The following CYBA variants were observed in gnomAD, a reference collection of about 807,000 sequenced individuals.
CYBA encodes the protein cytochrome b-245 light chain.
CYBA carries 21 observed loss-of-function variants against 20.8 expected under a neutral mutation model. That is an observed-to-expected ratio of 1.01 (90% confidence interval 0.72 to 1.46). CYBA has a LOEUF of 1.46. CYBA is among the 40% of genes most tolerant of loss of function. The pLI is 0.00. For synonymous variants in CYBA, 164 were observed against 127.5 expected, an observed-to-expected ratio of 1.29 and a Z score of -1.93; for missense variants, 344 against 287.0, an observed-to-expected ratio of 1.20 and a Z score of -1.43.
chr16:88,643,516 G>C lies in CYBA; in HGVS notation c.425C>G (p.Pro142Arg), dbSNP rs909600062. ...TPIEPKPRER[P>R]QIGGTIKQPP... ...CTGCTTGATGGTGCCTCCGATCTGC[G>C]GCCGCTCCCGGGGCTTGGGCTCGAT... is the stretch of plus-strand genomic sequence containing the variant. The change falls in exon 6 of 6, where the codon CCG becomes CGG. Residue 142 changes from proline (P) to arginine (R), a missense_variant. Coordinates refer to ENST00000261623, the MANE Select transcript of CYBA (RefSeq NM_000101.4). The surrounding 1 kb of genome is among the most constrained non-coding windows in gnomAD (Gnocchi z 4.3). The C allele has an allele frequency of 1.0e-5, 16 of 1,534,634 alleles. No individual in the cohort carries two copies. The highest frequency in any genetic ancestry group is 1.2e-5 in the South Asian group (1 of 83,946).
At chr16:88,650,370 C>A (rs1907466311) in intron 1 of CYBA, 1 of 456,692 alleles carries the variant, frequency 2.2e-6, no homozygotes, top group South Asian at 1.5e-5. Context: ...GGGGGCTGTG[C>A]CATCCCACCC....
At chr16:88,645,270 A>G (rs986158837) in intron 5 of CYBA, 2 of 702,438 alleles carry the variant, frequency 2.8e-6, no homozygotes, top group African/African-American at 1.7e-5. Context: ...GTTCTAAAGG[A>G]GAGTTCTGCC....
chr16:88,647,104 C>T lies in CYBA; in HGVS notation c.200G>A (p.Arg67His). Residue 67 changes from arginine (R) to histidine (H), a missense_variant, in exon 3 of 6, where the codon CGC becomes CAC. Physicochemically the swap from Arg to His is conservative, Grantham distance 29. Transcript: ENST00000261623. ...CCCAGAGCAGGAGGAGACTCACCAG[C>T]GCTCCATGGTGGAGCCCTTCTTCCT... is the stretch of plus-strand genomic sequence containing the variant. ...GKRKKGSTME[R>H]WGQKYMTAVV... is the part of the protein sequence containing the mutation. 6 of 1,609,676 alleles carry T rather than the reference C, an allele frequency of 3.7e-6. No individual in the cohort carries two copies. Among genetic ancestry groups the T allele is most frequent in the Non-Finnish European group, 5.1e-6 (6 of 1,178,668 alleles).
chr16:88,647,003 C>T (rs558236636), intron 3 of CYBA, 98 bp downstream of exon 3: 56 of 1,285,576 alleles, frequency 4.4e-5, no homozygotes, highest in Non-Finnish European at 5.7e-5. Context: ...GGGTTGGTTC[C>T]GGAGCCTCCA....
At chr16:88,649,120 G>C (rs1025675960) in intron 1 of CYBA, among the ~76,000 whole-genome samples, 1 of 150,992 alleles carries the variant, frequency 6.6e-6, no homozygotes, top group Non-Finnish European at 1.5e-5. Context: ...TGTATTTTTA[G>C]TAGAGACGGG....
chr16:88,648,937 C>CTTTCT (rs71376403), intron 1 of CYBA, among the ~76,000 whole-genome samples: 3 of 119,652 alleles, frequency 2.5e-5, no homozygotes, highest in Non-Finnish European at 5.1e-5. Context: ...TATTTTATTT[C>CTTTCT]TTTTTTTTTT....
chr16:88,645,867 C>T (rs1907257759), intron 5 of CYBA: 3 of 581,090 alleles, frequency 5.2e-6, no homozygotes, highest in South Asian at 2.1e-5. Flanking sequence ...CCCCAGTACC[C>T]CTCCCAGGGC....
chr16:88,647,845 G>A (rs1035233727), intron 2 of CYBA, 200 bp downstream of exon 2: 12 of 637,002 alleles, frequency 1.9e-5, no homozygotes, highest in East Asian at 1.4e-4. Flanking sequence ...TTAGACTGGC[G>A]GGTCTGCCGC....
intron 4 of CYBA, chr16:88,646,455 C>T (rs1041363191): frequency 1.5e-6 from 1 of 682,560 alleles, no homozygotes; most frequent in Non-Finnish European, 2.7e-6. Context: ...CCAGCAGACA[C>T]ACAGCACGGA....
chr16:88,645,120 C>T, intron 5 of CYBA: 1 of 696,942 alleles, frequency 1.4e-6, no homozygotes. Flanking sequence ...AGCAATTCCT[C>T]TCTGGGTTTA....
chr16:88,647,089 G>T lies in CYBA; in HGVS notation c.203+12C>A. 2 of 1,608,538 alleles carry T rather than the reference G, an allele frequency of 1.2e-6. No individual in the cohort carries two copies. The highest frequency in any genetic ancestry group is 1.7e-6 in the Non-Finnish European group (2 of 1,178,196). On this transcript the variant is annotated intron_variant, in intron 3 of 5. Coordinates refer to ENST00000261623, the MANE Select transcript of CYBA (RefSeq NM_000101.4). ...AGCCCCCGGAGAGACCCCAGAGCAG[G>T]AGGAGACTCACCAGCGCTCCATGGT...
intron 2 of CYBA, among the ~76,000 whole-genome samples, 169 bp from the exon 3 acceptor site, chr16:88,647,344 C>T (rs533604645): frequency 6.6e-6 from 1 of 152,156 alleles, no homozygotes; most frequent in Non-Finnish European, 1.5e-5. Context: ...GAGTTTGAGA[C>T]CAGCCTGGGC....
At chr16:88,645,411 G>T (rs9940427) in intron 5 of CYBA, 16,653 of 702,360 alleles carry the variant, frequency 0.024, 269 homozygotes, top group Middle Eastern at 0.036. Context: ...TTGCCTCTGC[G>T]GGCAGGAGGG....
chr16:88,646,711 C>T, intron 4 of CYBA, 44 bp downstream of exon 4: 1 of 1,562,858 alleles, frequency 6.4e-7, no homozygotes, highest in South Asian at 1.1e-5. Context: ...GGGTCGGCTC[C>T]AAGCCCTCCT....
At chr16:88,647,057 G>T in intron 3 of CYBA, 44 bp downstream of exon 3, 1 of 1,555,136 alleles carries the variant, frequency 6.4e-7, no homozygotes, top group Non-Finnish European at 8.8e-7. Flanking sequence ...CCCTGCCTGG[G>T]CCCCGCAGCC....
At chr16:88,645,112 C>T (rs1336130618) in intron 5 of CYBA, 39 of 694,314 alleles carry the variant, frequency 5.6e-5, no homozygotes, top group Non-Finnish European at 9.5e-5. Context: ...CCTGACCCAG[C>T]AATTCCTCTC....
At chr16:88,648,338 C>T (rs971392363) in intron 1 of CYBA, among the ~76,000 whole-genome samples, 12 of 152,310 alleles carry the variant, frequency 7.9e-5, no homozygotes, top group Admixed American at 2.0e-4. Flanking sequence ...TGGACATGCC[C>T]GGGCTCTGGG....
intron 4 of CYBA, 175 bp downstream of exon 4, chr16:88,646,580 C>T: frequency 1.4e-6 from 1 of 716,836 alleles, no homozygotes; most frequent in South Asian, 1.5e-5. Flanking sequence ...ACAAATCCTG[C>T]ACACTAGACA....
chr16:88,644,936 A>C (rs1052708956), intron 5 of CYBA: 1 of 577,748 alleles, frequency 1.7e-6, no homozygotes, highest in Non-Finnish European at 3.1e-6. Flanking sequence ...ATCCACAGTC[A>C]GAGAAGGGCG....
Sources: gnomAD v4.1 joint callset for allele counts (sites outside exome capture counted in the v4.1 genomes callset) on GRCh38, gnomAD v4.1.1 for gene constraint, Gnocchi (gnomAD v3.1) non-coding constraint, MANE v1.5 for transcripts, NCBI Gene and HGNC (gene_info 2026-07-23, HGNC 2026-07-21) for gene names.